The following FLT1 variants were observed in gnomAD, a reference collection of about 807,000 sequenced individuals.
The protein encoded by FLT1 is fms related receptor tyrosine kinase 1, also known as vascular endothelial growth factor receptor 1.
FLT1 carries 49 observed loss-of-function variants against 156.3 expected under a neutral mutation model. The observed-to-expected ratio is 0.31, with a 90% CI of 0.25 to 0.40. The LOEUF (loss-of-function observed/expected upper bound fraction) is 0.40, where lower values mean the gene tolerates loss of function less well. Ranked by LOEUF, FLT1 falls within the 10% of genes least tolerant of loss-of-function variation. The probability of loss-of-function intolerance (pLI) is 1.00; values close to 1 mark genes in which losing one functional copy is unlikely to be tolerated. For missense variants in FLT1, 1,322 were observed against 1,637.2 expected, an observed-to-expected ratio of 0.81 and a Z score of 3.32; for synonymous variants, 594 against 583.8, an observed-to-expected ratio of 1.02 and a Z score of -0.25.
At chr13:28,355,318 T>C (rs1489254408) in intron 15 of FLT1, among the ~76,000 whole-genome samples, 1 of 152,168 alleles carries the variant, frequency 6.6e-6, no homozygotes, top group South Asian at 2.1e-4. Context: ...TAGGATTAAG[T>C]ATGTCACAAG....
At chr13:28,367,321 T>C (rs1245150693) in intron 14 of FLT1, among the ~76,000 whole-genome samples, 2 of 152,210 alleles carry the variant, frequency 1.3e-5, no homozygotes, top group Non-Finnish European at 2.9e-5. Flanking sequence ...TAGAAACGTG[T>C]GGTGTCCTCT....
At chr13:28,389,355 GT>G in intron 13 of FLT1, 1 of 1,247,832 alleles carries the variant, frequency 8.0e-7, no homozygotes, top group Non-Finnish European at 1.0e-6. Context: ...AAATTATTCA[GT>G]TTGTGCAGCT....
intron 1 of FLT1, among the ~76,000 whole-genome samples, chr13:28,485,793 AC>A (rs1881124231): frequency 6.6e-6 from 1 of 151,648 alleles, no homozygotes. Flanking sequence ...CTCTTGCAAC[AC>A]CGCTGCCCCC....
At position 28,433,943 on chromosome 13, in the gene FLT1, A is replaced by T. The variant is rs2137552190; in HGVS notation, c.689T>A (p.Ile230Lys). 1 of 1,614,140 alleles carries T rather than the reference A, an allele frequency of 6.2e-7. No individual in the cohort carries two copies. Among genetic ancestry groups the T allele is most frequent in the South Asian group, 1.1e-5 (1 of 91,084 alleles). Residue 230 changes from isoleucine (I) to lysine (K), a missense_variant, in exon 6 of 30, where the codon ATA (isoleucine) becomes AAA (lysine). Physicochemically the swap from Ile to Lys is moderately radical, Grantham distance 102. Coordinates refer to ENST00000282397, the MANE Select transcript of FLT1 (RefSeq NM_002019.4). Reference protein sequence around the residue: ...YLTHRQTNTIIDVQISTPRPV... With the variant: ...YLTHRQTNTIKDVQISTPRPV... The stretch of plus-strand genomic sequence containing the variant: ...GCGTGGTGTGCTTATTTGGACATCT[A>T]TGATTGTATTGGCTGCAAGCATAAG...
At chr13:28,319,566 G>C (rs1185895009) in intron 23 of FLT1, 32 bp from the exon 24 acceptor site, 2 of 1,364,322 alleles carry the variant, frequency 1.5e-6, no homozygotes, top group Admixed American at 3.4e-5. Flanking sequence ...TTGAGCAGAA[G>C]GGCATGAAAA....
intron 1 of FLT1, among the ~76,000 whole-genome samples, chr13:28,473,729 A>AGAAAGAAAGAAG (rs1566050283): frequency 9.5e-5 from 8 of 84,312 alleles, no homozygotes; most frequent in Non-Finnish European, 1.6e-4. Flanking sequence ...AAAGAAAGAA[A>AGAAAGAAAGAAG]GAAGGAAGGA....
At chr13:28,392,129 T>C (rs1874768240) in intron 12 of FLT1, among the ~76,000 whole-genome samples, 1 of 152,220 alleles carries the variant, frequency 6.6e-6, no homozygotes, top group South Asian at 2.1e-4. Flanking sequence ...TTTCTGAGCT[T>C]TGGCTTTATT....
chr13:28,353,751 G>A (rs1872808761), intron 15 of FLT1, among the ~76,000 whole-genome samples: 4 of 152,096 alleles, frequency 2.6e-5, no homozygotes, highest in Admixed American at 2.0e-4. Flanking sequence ...TGTCGGTTTT[G>A]ATATGGAATT....
At chr13:28,321,928 T>C (rs61762457) in intron 22 of FLT1, among the ~76,000 whole-genome samples, 1 of 152,232 alleles carries the variant, frequency 6.6e-6, no homozygotes, top group Admixed American at 6.5e-5. Context: ...GAGGGCCCTA[T>C]ATGGCTATAT....
Position 28,301,745 on chromosome 13 carries a change from G to A in FLT1, c.*1422C>T. 4.3e-6 allele frequency: 1 copy of A among 233,276 alleles called. No individual in the cohort carries two copies. Among genetic ancestry groups the A allele is most frequent in the Non-Finnish European group, 8.5e-6 (1 of 117,822 alleles). The allele number at this position is 233,276 out of a possible 1,614,324, so 14.5% of individuals were successfully genotyped here. A position where few individuals can be genotyped will look rare whatever the true frequency, so the allele number is the denominator to read the frequency against. On this transcript the variant is annotated 3_prime_UTR_variant, in exon 30 of 30. Coordinates refer to ENST00000282397, the MANE Select transcript of FLT1 (RefSeq NM_002019.4). The stretch of plus-strand genomic sequence containing the variant: ...TTGATCTTTAGACCCTGAAGAGTAG[G>A]CGCCCTTTCCTACCCTGTCTCCCTA...
intron 14 of FLT1, among the ~76,000 whole-genome samples, chr13:28,377,840 C>T (rs1346815234): frequency 2.0e-5 from 3 of 152,182 alleles, no homozygotes; most frequent in South Asian, 2.1e-4. Context: ...TGTTTCAAAA[C>T]ATGCTTTAAA....
At chr13:28,420,623 T>C (rs1876946078) in intron 10 of FLT1, among the ~76,000 whole-genome samples, 1 of 152,220 alleles carries the variant, frequency 6.6e-6, no homozygotes, top group South Asian at 2.1e-4. Flanking sequence ...TTTCAATTTT[T>C]ATAGTGTTAA....
intron 3 of FLT1, among the ~76,000 whole-genome samples, chr13:28,442,785 A>G (rs192250848): frequency 6.6e-6 from 1 of 152,158 alleles, no homozygotes; most frequent in Admixed American, 6.6e-5. Flanking sequence ...TTCCTCTGCA[A>G]TTTACTTCAA....
At chr13:28,335,160 C>T (rs903684598) in intron 17 of FLT1, among the ~76,000 whole-genome samples, 2 of 152,038 alleles carry the variant, frequency 1.3e-5, no homozygotes, top group Non-Finnish European at 2.9e-5. Context: ...CTCAATAGAA[C>T]CCAGAGAAAT....
intron 19 of FLT1, among the ~76,000 whole-genome samples, chr13:28,329,168 T>C (rs1038412045): frequency 6.6e-6 from 1 of 152,216 alleles, no homozygotes; most frequent in Non-Finnish European, 1.5e-5. Flanking sequence ...GCTCTGTCCC[T>C]ACCCCCTTGG....
intron 6 of FLT1, 149 bp downstream of exon 6, chr13:28,433,670 A>C (rs959795505): frequency 1.4e-6 from 1 of 739,132 alleles, no homozygotes; most frequent in African/African-American, 1.8e-5. Flanking sequence ...AGGCAAAGAA[A>C]GCACTCAAAC....
At chr13:28,458,890 G>A (rs182849016) in intron 3 of FLT1, among the ~76,000 whole-genome samples, 33 of 152,330 alleles carry the variant, frequency 2.2e-4, no homozygotes, top group African/African-American at 7.9e-4. Flanking sequence ...TAGAAGGAGT[G>A]CACAGCCAGG....
chr13:28,317,737 A>C, intron 24 of FLT1, 140 bp from the exon 25 acceptor site: 16 of 696,296 alleles, frequency 2.3e-5, no homozygotes, highest in Non-Finnish European at 2.9e-5. Context: ...AACAGATCTC[A>C]ACATACCGTA....
chr13:28,319,178 C>T (rs554861003), intron 24 of FLT1, among the ~76,000 whole-genome samples: 145 of 152,234 alleles, frequency 9.5e-4, no homozygotes, highest in African/African-American at 3.3e-3. Context: ...TGTTCATGAT[C>T]GTATAAAGCC....
Sources: allele counts gnomAD v4.1 joint callset (sites outside exome capture counted in the v4.1 genomes callset), GRCh38; gene constraint gnomAD v4.1.1; transcripts MANE v1.5; gene names NCBI Gene and HGNC (gene_info 2026-07-23, HGNC 2026-07-21).